Variants in EYS observed in about 807,000 individuals in gnomAD.
The protein encoded by EYS is EGF-like photoreceptor maintenance factor.
A neutral mutation model predicts 282.1 loss-of-function variants in EYS; 250 were observed. The observed-to-expected ratio is 0.89, with a 90% CI of 0.80 to 0.98. The LOEUF (loss-of-function observed/expected upper bound fraction) is 0.98. EYS is among the 50% of genes least tolerant of loss of function. EYS has a pLI of 0.00. For missense variants in EYS, 4,016 were observed against 3,709.0 expected, an observed-to-expected ratio of 1.08 and a Z score of -2.15; for synonymous variants, 1,355 against 1,282.9, an observed-to-expected ratio of 1.06 and a Z score of -1.20.
intron 26 of EYS, among the ~76,000 whole-genome samples, chr6:64,547,101 G>A (rs189442178): frequency 1.3e-5 from 2 of 152,284 alleles, no homozygotes; most frequent in East Asian, 3.9e-4. Context: ...TGGCTCAGGA[G>A]TGAAGCTGCA....
In EYS at chr6:65,352,394, A is replaced by G. The variant is rs1317928898; in HGVS notation, c.1459+1064T>C. Among the ~76,000 whole-genome samples, 3 of 152,056 alleles carry G rather than the reference A, an allele frequency of 2.0e-5. No homozygotes were observed. In the East Asian group the frequency reaches 5.8e-4, roughly 29 times the overall value. On this transcript the variant is annotated intron_variant, in intron 9 of 42. Transcript: ENST00000503581. ...TATTCTTTAAAAGAATGAAAATACCATATAGTCTTAAGAATGTAAATCAAA... is the reference window on the plus strand; with the variant it reads ...TATTCTTTAAAAGAATGAAAATACCGTATAGTCTTAAGAATGTAAATCAAA...
At chr6:64,327,565 C>T (rs772466933) in intron 29 of EYS, among the ~76,000 whole-genome samples, 1 of 152,068 alleles carries the variant, frequency 6.6e-6, no homozygotes, top group South Asian at 2.1e-4. Context: ...ACAGCCTGGG[C>T]ACCCAGATCA....
At chr6:64,743,034 C>A (rs1374751424) in intron 22 of EYS, among the ~76,000 whole-genome samples, 1 of 152,100 alleles carries the variant, frequency 6.6e-6, no homozygotes, top group African/African-American at 2.4e-5. Context: ...AGATTTACTT[C>A]TTTGTCTGAG....
intron 2 of EYS, among the ~76,000 whole-genome samples, chr6:65,538,571 C>CA (rs1259160713): frequency 4.6e-5 from 7 of 151,912 alleles, no homozygotes; most frequent in African/African-American, 7.3e-5. Context: ...GAGTATCTCC[C>CA]AAAAAAAGTA....
chr6:64,133,836 A>G (rs1002758940), intron 31 of EYS, among the ~76,000 whole-genome samples: 2 of 151,212 alleles, frequency 1.3e-5, no homozygotes, highest in Non-Finnish European at 2.9e-5. Flanking sequence ...TGGATTCCAT[A>G]TCTTTCTTTT....
intron 2 of EYS, among the ~76,000 whole-genome samples, chr6:65,553,229 C>A (rs2127335386): frequency 6.6e-6 from 1 of 152,232 alleles, no homozygotes; most frequent in East Asian, 1.9e-4. Flanking sequence ...TCTGAAACAG[C>A]ATATTGTAAT....
At position 64,052,353 on chromosome 6, in the gene EYS, T is replaced by A. The variant is rs193134300; in HGVS notation, c.6725+13985A>T. Among the ~76,000 whole-genome samples the A allele has an allele frequency of 3.5e-3, 539 of 152,278 alleles. 9 individuals carry two copies. The highest frequency in any genetic ancestry group is 9.6e-4 in the East Asian group (5 of 5,182). ...AACTGTTTGCTCAAATAATAATTAG[T>A]AATCTTGGTTGAGAAAAATCTGAAA... is the stretch of plus-strand genomic sequence containing the variant. On this transcript the variant is annotated intron_variant, in intron 33 of 42. Coordinates refer to ENST00000503581, the MANE Select transcript of EYS (RefSeq NM_001142800.2).
At chr6:63,727,737 A>ATATATATATATAT (rs1421811302) in intron 41 of EYS, among the ~76,000 whole-genome samples, 10 of 36,718 alleles carry the variant, frequency 2.7e-4, no homozygotes, top group East Asian at 8.2e-4. Flanking sequence ...AAAAAAAAAA[A>ATATATATATATAT]ATATATATAT....
At chr6:64,767,265 C>A (rs533660481) in intron 22 of EYS, among the ~76,000 whole-genome samples, 5 of 152,000 alleles carry the variant, frequency 3.3e-5, no homozygotes, top group Middle Eastern at 3.4e-3. Context: ...TTTATTATGT[C>A]TTTGTATTGG....
chr6:65,288,548 A>G (rs1768434721), intron 12 of EYS, among the ~76,000 whole-genome samples: 2 of 151,114 alleles, frequency 1.3e-5, no homozygotes, highest in African/African-American at 4.8e-5. Flanking sequence ...ACCATCAAAC[A>G]TCTTTTAAGT....
intron 26 of EYS, among the ~76,000 whole-genome samples, chr6:64,476,024 C>T (rs948171705): frequency 6.6e-6 from 1 of 152,140 alleles, no homozygotes; most frequent in African/African-American, 2.4e-5. Context: ...CTACTGGCCT[C>T]GAGCGATCTT....
chr6:64,127,086 T>C (rs1473893531), intron 31 of EYS, among the ~76,000 whole-genome samples: 4 of 152,158 alleles, frequency 2.6e-5, no homozygotes, highest in Admixed American at 6.5e-5. Flanking sequence ...TTTGAAATAT[T>C]TAATCTGTCT....
intron 22 of EYS, among the ~76,000 whole-genome samples, chr6:64,701,394 A>T (rs981365831): frequency 2.0e-5 from 3 of 152,146 alleles, no homozygotes; most frequent in Non-Finnish European, 4.4e-5. Context: ...TCAACAGACA[A>T]CTTGCAGAAT....
At chr6:65,574,002 T>C (rs931779057) in intron 2 of EYS, among the ~76,000 whole-genome samples, 1 of 152,152 alleles carries the variant, frequency 6.6e-6, no homozygotes, top group Non-Finnish European at 1.5e-5. Context: ...TTCTTGGCAC[T>C]CTGGCTAGTT....
At chr6:65,154,613 C>T (rs570331591) in intron 12 of EYS, among the ~76,000 whole-genome samples, 1 of 151,416 alleles carries the variant, frequency 6.6e-6, no homozygotes, top group African/African-American at 2.4e-5. Context: ...GTTATATGAG[C>T]AAAGAGGAAG....
At chr6:64,205,785 GAAAGGCTTTC>G (rs1765591174) in intron 31 of EYS, among the ~76,000 whole-genome samples, 1 of 150,310 alleles carries the variant, frequency 6.7e-6, no homozygotes, top group African/African-American at 2.5e-5. Flanking sequence ...TGGTATTTGT[GAAAGGCTTTC>G]AAAGGGAATA....
At chr6:64,886,386 T>A (rs540295360) in intron 19 of EYS, among the ~76,000 whole-genome samples, 99 of 152,156 alleles carry the variant, frequency 6.5e-4, no homozygotes, top group Non-Finnish European at 1.1e-3. Flanking sequence ...ATAATGTTAT[T>A]TCTGTTAGAT....
intron 11 of EYS, among the ~76,000 whole-genome samples, chr6:65,320,158 A>AACAC (rs368106848): frequency 6.6e-6 from 1 of 151,896 alleles, no homozygotes; most frequent in Non-Finnish European, 1.5e-5. Flanking sequence ...GGAAAAAAAA[A>AACAC]ACACACACAC....
At chr6:63,876,411 A>G (rs2149715496) in intron 35 of EYS, among the ~76,000 whole-genome samples, 1 of 152,320 alleles carries the variant, frequency 6.6e-6, no homozygotes, top group South Asian at 2.1e-4. Context: ...CAGTTTTGGA[A>G]TAAGTGCGAT....
Sources: allele counts gnomAD v4.1 joint callset (sites outside exome capture counted in the v4.1 genomes callset), GRCh38; gene constraint gnomAD v4.1.1; transcripts MANE v1.5; gene names NCBI Gene and HGNC (gene_info 2026-07-23, HGNC 2026-07-21).